ANKH: variants seen among roughly 807,000 people sequenced by gnomAD.
The protein encoded by ANKH is ANKH inorganic pyrophosphate transport regulator, also known as mineralization regulator ANKH.
In ANKH, 15 loss-of-function variants were observed where a neutral mutation model predicts 49.0. The ratio of observed to expected loss-of-function variants is 0.31; its 90% confidence interval spans 0.20 to 0.47. The LOEUF is 0.47. ANKH is among the 20% of genes least tolerant of loss of function. ANKH has a pLI of 1.00. For missense variants in ANKH, 429 were observed against 652.0 expected (o/e 0.66, Z 3.72); for synonymous variants, 273 against 260.0 (o/e 1.05, Z -0.48).
intron 9 of ANKH, among the ~76,000 whole-genome samples, chr5:14,714,991 A>G (rs1245932415): frequency 6.6e-6 from 1 of 152,134 alleles, no homozygotes; most frequent in Non-Finnish European, 1.5e-5. Flanking sequence ...TGTCTACCCA[A>G]CAAGTACAGA....
chr5:14,712,468 GCTC>G (rs1737257972), intron 11 of ANKH, among the ~76,000 whole-genome samples: 1 of 152,272 alleles, frequency 6.6e-6, no homozygotes, highest in South Asian at 2.1e-4. Flanking sequence ...GGCTGCCCGA[GCTC>G]CTGTCTTGGA....
chr5:14,830,508 G>GGAGT (rs1561074623), intron 1 of ANKH, among the ~76,000 whole-genome samples: 1 of 117,522 alleles, frequency 8.5e-6, no homozygotes, highest in South Asian at 3.4e-4. Flanking sequence ...TGAGGTAGGG[G>GGAGT]GAGTGTGTGT....
At chr5:14,805,809 G>T (rs756197707) in intron 1 of ANKH, among the ~76,000 whole-genome samples, 1 of 152,028 alleles carries the variant, frequency 6.6e-6, no homozygotes, top group Non-Finnish European at 1.5e-5. Flanking sequence ...CCACTCGAGG[G>T]TATGACCAGT....
intron 1 of ANKH, among the ~76,000 whole-genome samples, chr5:14,836,111 C>T (rs1252539187): frequency 7.9e-5 from 12 of 152,168 alleles, no homozygotes; most frequent in African/African-American, 2.4e-4. Flanking sequence ...ATTGATGGGA[C>T]GTATCTCAAA....
At chr5:14,835,479 G>A (rs1741625435) in intron 1 of ANKH, among the ~76,000 whole-genome samples, 1 of 152,126 alleles carries the variant, frequency 6.6e-6, no homozygotes, top group Admixed American at 6.5e-5. Context: ...TGCGTTCAGT[G>A]GTGAAAAGCC....
intron 1 of ANKH, among the ~76,000 whole-genome samples, chr5:14,845,367 T>TATATATATATATATATA (rs201739117): frequency 2.5e-4 from 21 of 83,344 alleles, no homozygotes; most frequent in African/African-American, 7.0e-4. Flanking sequence ...TATATATATA[T>TATATATATATATATATA]TTTTTTTTTT....
In ANKH at chr5:14,709,309, ATTTT is replaced by A. The variant is rs201158874; in HGVS notation, c.*1884_*1887del. On this transcript the variant is annotated 3_prime_UTR_variant, in exon 12 of 12. Coordinates refer to ENST00000284268, the MANE Select transcript of ANKH (RefSeq NM_054027.6). ...CTTTAAAAAAAGCTGATACATTGAG[ATTTT>A]TTTTTAATCTTCTCAGATCTGCCTC... 2 of 151,622 alleles carry A rather than the reference ATTTT, an allele frequency of 1.3e-5. No homozygotes were observed. The highest frequency in any genetic ancestry group is 2.9e-5 in the Non-Finnish European group (2 of 67,906). The allele number at this position is 151,622 out of a possible 1,614,324, so 9.4% of individuals were successfully genotyped here. A position where few individuals can be genotyped will look rare whatever the true frequency, so the allele number is the denominator to read the frequency against.
intron 1 of ANKH, among the ~76,000 whole-genome samples, chr5:14,827,623 A>C (rs908234481): frequency 1.3e-5 from 2 of 152,200 alleles, no homozygotes; most frequent in Non-Finnish European, 1.5e-5. Context: ...GGTAGCAGAT[A>C]ACTGGGTGTC....
rs1735826244 is a variant in ANKH, at chr5:14,871,524, CG to C, written c.-78del. The C allele has an allele frequency of 5.4e-6, 6 of 1,121,412 alleles. No homozygotes were observed. In the East Asian group the frequency reaches 1.7e-4, roughly 32 times the overall value. 69.5% of individuals were successfully genotyped at this position (1,121,412 alleles called of 1,614,324 possible). ...TGCGGGGAGGCGAGGGGCGACGGGG[CG>C]ACGGGGCGAGCGGGGCGCGGGCCGA... On this transcript the variant is annotated 5_prime_UTR_variant, in exon 1 of 12. Coordinates refer to ENST00000284268, the MANE Select transcript of ANKH (RefSeq NM_054027.6).
At chr5:14,780,101 C>T (rs190599005) in intron 1 of ANKH, among the ~76,000 whole-genome samples, 23 of 150,768 alleles carry the variant, frequency 1.5e-4, no homozygotes, top group South Asian at 4.2e-4. Context: ...CTGAGTGTGC[C>T]GCTGACAGAG....
chr5:14,829,985 T>G (rs949717657), intron 1 of ANKH, among the ~76,000 whole-genome samples: 3 of 152,158 alleles, frequency 2.0e-5, no homozygotes, highest in Non-Finnish European at 4.4e-5. Context: ...GTTTTGCAAT[T>G]TCTGGATTGG....
Position 14,705,267 on chromosome 5 carries a change from G to A in ANKH, c.*5930C>T, listed in dbSNP as rs747178382. ...AGCCCATGTAGAGGAATGACTCTAA[G>A]CACACTTAATTTTGTTTAAAAAAAA... is the stretch of plus-strand genomic sequence containing the variant. On this transcript the variant is annotated 3_prime_UTR_variant, in exon 12 of 12. Coordinates refer to ENST00000284268, the MANE Select transcript of ANKH (RefSeq NM_054027.6). 7.9e-5 allele frequency: 12 copies of A among 151,888 alleles called. No individual in the cohort carries two copies. The highest frequency in any genetic ancestry group is 1.3e-4 in the Admixed American group (2 of 15,248). The allele number at this position is 151,888 out of a possible 1,614,324, so 9.4% of individuals were successfully genotyped here. A position where few individuals can be genotyped will look rare whatever the true frequency, so the allele number is the denominator to read the frequency against.
intron 1 of ANKH, among the ~76,000 whole-genome samples, chr5:14,831,659 A>C (rs971676194): frequency 2.0e-5 from 3 of 152,158 alleles, no homozygotes; most frequent in Non-Finnish European, 4.4e-5. Context: ...AACCATCTTC[A>C]ATGTAGTCAG....
Position 14,712,894 on chromosome 5 carries a change from A to G in ANKH, c.1345T>C (p.Cys449Arg), listed in dbSNP as rs1737285926. The G allele has an allele frequency of 1.9e-6, 3 of 1,611,960 alleles. No homozygotes were observed. The highest frequency in any genetic ancestry group is 1.3e-5 in the African/African-American group (1 of 74,912). ...CTCACCTGCTTCCGGTAGACATAGC[A>G]CGCAGCGATGGCGACCATGGTGGAT... ...GESTMVAIAACYVYRKQKKKM... is the reference protein window; with the variant it reads ...GESTMVAIAARYVYRKQKKKM... Residue 449 changes from cysteine (C) to arginine (R), a missense_variant, in exon 11 of 12, where the codon TGC (cysteine) becomes CGC (arginine). Physicochemically the swap from Cys to Arg is radical, Grantham distance 180 (BLOSUM62 -3). Around this residue, in one of 2 missense-constraint regions of ANKH, gnomAD observed 378 missense variants for 615.3 expected, o/e 0.61. Coordinates refer to ENST00000284268, the MANE Select transcript of ANKH (RefSeq NM_054027.6).
chr5:14,793,644 T>C (rs1276462110), intron 1 of ANKH, among the ~76,000 whole-genome samples: 1 of 152,192 alleles, frequency 6.6e-6, no homozygotes, highest in Non-Finnish European at 1.5e-5. Flanking sequence ...CAAATCTCAA[T>C]GGTGCTGTTC....
chr5:14,753,036 G>A (rs1016193062), intron 4 of ANKH, among the ~76,000 whole-genome samples: 1 of 152,168 alleles, frequency 6.6e-6, no homozygotes, highest in East Asian at 1.9e-4. Context: ...GAGAAAGCAG[G>A]GAACAGGTTC....
intron 1 of ANKH, among the ~76,000 whole-genome samples, chr5:14,813,298 T>C (rs956799963): frequency 6.6e-6 from 1 of 151,798 alleles, no homozygotes; most frequent in African/African-American, 2.4e-5. Context: ...TATTTCTCAA[T>C]GCAGTAAAGG....
intron 1 of ANKH, among the ~76,000 whole-genome samples, chr5:14,769,639 GT>G (rs1739371995): frequency 6.6e-6 from 1 of 152,016 alleles, no homozygotes; most frequent in Non-Finnish European, 1.5e-5. Flanking sequence ...GTGTGTGTGT[GT>G]GTGTTCATGT....
At chr5:14,799,766 T>C (rs1483059638) in intron 1 of ANKH, among the ~76,000 whole-genome samples, 1 of 152,234 alleles carries the variant, frequency 6.6e-6, no homozygotes, top group Non-Finnish European at 1.5e-5. Context: ...CGAAGAGCTC[T>C]GATGGAGAGG....
Sources: allele counts gnomAD v4.1 joint callset (sites outside exome capture counted in the v4.1 genomes callset), GRCh38; gene constraint gnomAD v4.1.1; regional missense constraint gnomAD v4.1.1; transcripts MANE v1.5; gene names NCBI Gene and HGNC (gene_info 2026-07-23, HGNC 2026-07-21).